PTHLH: variants seen among roughly 807,000 people sequenced by gnomAD.
PTHLH encodes parathyroid hormone-related protein.
Under a neutral mutation model 18.6 loss-of-function variants are expected in PTHLH, and 5 were observed. That is an observed-to-expected ratio of 0.27 (90% CI 0.14 to 0.56). The LOEUF is 0.56. Among genes scored for constraint, PTHLH ranks in the 20% least tolerant of loss-of-function variants. PTHLH has a pLI of 0.92. For missense variants in PTHLH, 207 were observed against 223.9 expected, an observed-to-expected ratio of 0.92 and a Z score of 0.48; for synonymous variants, 90 against 94.0, an observed-to-expected ratio of 0.96 and a Z score of 0.25.
rs549895429 is a variant in PTHLH, at chr12:27,969,609, G to T, written c.-22-93C>A. On this transcript the variant is annotated intron_variant, in intron 3 of 5. Coordinates refer to ENST00000545234, the MANE Select transcript of PTHLH (RefSeq NM_198965.2). ...CCCCTTTTTAGCCCGCTCTCAAAAA[G>T]CCTCTTCAACATCAAGGGCATCTCC... is the stretch of plus-strand genomic sequence containing the variant. 148 of 1,153,352 alleles carry T rather than the reference G, an allele frequency of 1.3e-4. 1 individual carries two copies. The African/African-American group carries it at 1.9e-3, about 15-fold the overall frequency. 71.4% of individuals were successfully genotyped at this position (1,153,352 alleles called of 1,614,324 possible). A position where few individuals can be genotyped will look rare whatever the true frequency, so the allele number is the denominator to read the frequency against.
rs576461142 is a variant in PTHLH, at chr12:27,970,045, C to A, written c.-43G>T. ...TCTACCTCCTCTGGTGGGCTGGTTG[C>A]TTCCGGAAAGTTGATTCCACACACC... On this transcript the variant is annotated 5_prime_UTR_variant, in exon 3 of 6. Transcript: ENST00000545234. 8.3e-5 allele frequency: 43 copies of A among 519,048 alleles called. No homozygotes were observed. Among genetic ancestry groups the A allele is most frequent in the South Asian group, 5.9e-4 (42 of 71,592 alleles). 32.2% of individuals were successfully genotyped at this position (519,048 alleles called of 1,614,324 possible). A position where few individuals can be genotyped will look rare whatever the true frequency, so the allele number is the denominator to read the frequency against.
At chr12:27,966,206 G>T (rs947190274) in intron 4 of PTHLH, among the ~76,000 whole-genome samples, 1 of 152,228 alleles carries the variant, frequency 6.6e-6, no homozygotes, top group Non-Finnish European at 1.5e-5. Context: ...CTTGGGAAAT[G>T]CAGTGATCAT....
rs1423057285 is a variant in PTHLH, at chr12:27,970,181, G to A, written c.-179C>T. On this transcript the variant is annotated 5_prime_UTR_variant, in exon 3 of 6. Coordinates refer to ENST00000545234, the MANE Select transcript of PTHLH (RefSeq NM_198965.2). ...CAGGGAGGCGGCAGCCCCGCTTCAC[G>A]GGCGGGGAGACATGCTGGCCGGGCG... 1 of 514,124 alleles carries A rather than the reference G, an allele frequency of 1.9e-6. No homozygotes were observed. The highest frequency in any genetic ancestry group is 3.9e-6 in the Non-Finnish European group (1 of 257,770). The allele number at this position is 514,124 out of a possible 1,614,324, so 31.8% of individuals were successfully genotyped here.
intron 5 of PTHLH, 32 bp from the exon 6 acceptor site, chr12:27,958,600 A>G: frequency 6.4e-7 from 1 of 1,552,974 alleles, no homozygotes; most frequent in Non-Finnish European, 8.7e-7. Context: ...AGAAAAGGAG[A>G]AAACAGGTTA....
chr12:27,962,076 C>A (rs959599891), intron 5 of PTHLH: 6 of 529,140 alleles, frequency 1.1e-5, no homozygotes, highest in African/African-American at 5.9e-5. Flanking sequence ...GCACTGTCTA[C>A]GTGTCAGAAA....
At chr12:27,970,414 A>T (rs915494492) in intron 2 of PTHLH, 147 bp from the exon 3 acceptor site, 10 of 148,544 alleles carry the variant, frequency 6.7e-5, no homozygotes, top group Non-Finnish European at 1.5e-4. Context: ...CGCCCGAGCG[A>T]GTGGAGGGGA....
chr12:27,965,258 C>T (rs33090), intron 4 of PTHLH, among the ~76,000 whole-genome samples: 46,880 of 152,088 alleles, frequency 0.31, 7,436 homozygotes, highest in African/African-American at 0.34. Flanking sequence ...ATTTCCTCAA[C>T]GCTTTCTCCT....
intron 4 of PTHLH, among the ~76,000 whole-genome samples, chr12:27,965,640 G>A (rs1382044143): frequency 1.3e-5 from 2 of 152,112 alleles, no homozygotes; most frequent in Admixed American, 6.6e-5. Flanking sequence ...ATGACTTAAT[G>A]GAAAGGAATT....
intron 5 of PTHLH, chr12:27,961,790 T>C (rs2062763749): frequency 1.8e-6 from 1 of 548,214 alleles, no homozygotes. Context: ...TATTTAATGA[T>C]GGGTTTGCCA....
intron 5 of PTHLH, 94 bp downstream of exon 5, chr12:27,963,254 A>C: frequency 6.3e-7 from 1 of 1,595,850 alleles, no homozygotes; most frequent in Non-Finnish European, 8.5e-7. Context: ...TAAAGGGAGA[A>C]AATTCTAGGT....
At chr12:27,961,313 ATATATATACGTATATATATACTTTTTGC>A (rs2062757016) in intron 5 of PTHLH, among the ~76,000 whole-genome samples, 1 of 123,464 alleles carries the variant, frequency 8.1e-6, no homozygotes, top group East Asian at 2.4e-4. Flanking sequence ...ATATATATAT[ATATATATACGTATATATATACTTTTTGC>A]CTCATAGAAA....
chr12:27,970,041 G>A lies in PTHLH; in HGVS notation c.-39C>T, dbSNP rs775312567. On this transcript the variant is annotated 5_prime_UTR_variant, in exon 3 of 6. Transcript: ENST00000545234. Reference sequence around the variant, plus strand: ...TCTGTCTACCTCCTCTGGTGGGCTGGTTGCTTCCGGAAAGTTGATTCCACA... The same window carrying A: ...TCTGTCTACCTCCTCTGGTGGGCTGATTGCTTCCGGAAAGTTGATTCCACA... 2 of 519,032 alleles carry A rather than the reference G, an allele frequency of 3.9e-6. No individual in the cohort carries two copies. The highest frequency in any genetic ancestry group is 1.1e-4 in the East Asian group (2 of 18,340). The allele number at this position is 519,032 out of a possible 1,614,324, so 32.2% of individuals were successfully genotyped here. A position where few individuals can be genotyped will look rare whatever the true frequency, so the allele number is the denominator to read the frequency against.
chr12:27,971,995 A>G lies in PTHLH; in HGVS notation c.-334T>C, dbSNP rs2062875171. On this transcript the variant is annotated 5_prime_UTR_variant, in exon 2 of 6. Coordinates refer to ENST00000545234, the MANE Select transcript of PTHLH (RefSeq NM_198965.2). ...CAAAAAGATGCAGGAGCCCTAATGT[A>G]ATCGTTAGATCTGAAGGGGGAAATC... is the stretch of plus-strand genomic sequence containing the variant. 1 of 147,468 alleles carries G rather than the reference A, an allele frequency of 6.8e-6. No homozygotes were observed. 9.1% of individuals were successfully genotyped at this position (147,468 alleles called of 1,614,324 possible). A position where few individuals can be genotyped will look rare whatever the true frequency, so the allele number is the denominator to read the frequency against.
At chr12:27,959,727 C>T (rs970462632) in intron 5 of PTHLH, among the ~76,000 whole-genome samples, 3 of 152,074 alleles carry the variant, frequency 2.0e-5, no homozygotes, top group Non-Finnish European at 4.4e-5. Context: ...GTTTTAATGT[C>T]TTAGGTTATT....
intron 5 of PTHLH, among the ~76,000 whole-genome samples, chr12:27,961,251 G>C (rs957342322): frequency 6.7e-5 from 6 of 89,730 alleles, no homozygotes; most frequent in African/African-American, 2.4e-4. Context: ...TCCATCAAAA[G>C]TTATTTATAC....
At chr12:27,968,149 A>G (rs2062833749) in intron 4 of PTHLH, among the ~76,000 whole-genome samples, 1 of 152,350 alleles carries the variant, frequency 6.6e-6, no homozygotes, top group Non-Finnish European at 1.5e-5. Context: ...GTTGATCTGA[A>G]GAATACAATG....
At chr12:27,961,287 G>GTA (rs1555124070) in intron 5 of PTHLH, among the ~76,000 whole-genome samples, 6,505 of 33,262 alleles carry the variant, frequency 0.2, 443 homozygotes, top group Middle Eastern at 0.29. Context: ...ATATATATAC[G>GTA]TATATATATA....
At position 27,969,687 on chromosome 12, in the gene PTHLH, A is replaced by G. The variant is rs376854244; in HGVS notation, c.-22-171T>C. ...GGAGCCTCTCAGCACTTACTTATTTAGCAACCGGCTACTCCAACTGTGCTT... is the reference window on the plus strand; with the variant it reads ...GGAGCCTCTCAGCACTTACTTATTTGGCAACCGGCTACTCCAACTGTGCTT... On this transcript the variant is annotated intron_variant, in intron 3 of 5. Transcript: ENST00000545234. 6 of 763,098 alleles carry G rather than the reference A, an allele frequency of 7.9e-6. No individual in the cohort carries two copies. The African/African-American group carries it at 8.5e-5, about 11-fold the overall frequency. The allele number at this position is 763,098 out of a possible 1,614,324, so 47.3% of individuals were successfully genotyped here.
intron 5 of PTHLH, chr12:27,961,875 AGAGTCAAAG>A (rs2062764581): frequency 5.9e-6 from 4 of 682,164 alleles, no homozygotes; most frequent in Non-Finnish European, 1.0e-5. Flanking sequence ...TATCTGTAGC[AGAGTCAAAG>A]GAAATGACTA....
Sources: allele counts gnomAD v4.1 joint callset (sites outside exome capture counted in the v4.1 genomes callset), GRCh38; gene constraint gnomAD v4.1.1; transcripts MANE v1.5; gene names NCBI Gene and HGNC (gene_info 2026-07-23, HGNC 2026-07-21).